The following SLC26A9 variants were observed in gnomAD, a reference collection of about 807,000 sequenced individuals.
SLC26A9 encodes the protein solute carrier family 26 member 9, also known as anion transporter/exchanger protein 9.
SLC26A9 carries 46 observed loss-of-function variants against 87.1 expected under a neutral mutation model. The observed-to-expected ratio is 0.53, with a 90% CI of 0.42 to 0.67. The LOEUF (loss-of-function observed/expected upper bound fraction) is 0.67. Ranked by LOEUF, SLC26A9 falls within the 30% of genes least tolerant of loss-of-function variation. The pLI is 0.00. For synonymous variants in SLC26A9, 437 were observed against 409.1 expected, an observed-to-expected ratio of 1.07 and a Z score of -0.82; for missense variants, 927 against 1,018.3, an observed-to-expected ratio of 0.91 and a Z score of 1.22.
In SLC26A9 at chr1:205,914,087, C is replaced by T. The variant is rs981302858; in HGVS notation, c.*1270G>A. The T allele has an allele frequency of 6.6e-6, 1 of 152,208 alleles. No individual in the cohort carries two copies. The highest frequency in any genetic ancestry group is 6.5e-5 in the Admixed American group (1 of 15,280). The allele number at this position is 152,208 out of a possible 1,614,324, so 9.4% of individuals were successfully genotyped here. ...GGGTTCCTCTCAATACCTCCTTGTA[C>T]ATATGGAAAACTTAACCCCTATTTT... On this transcript the variant is annotated 3_prime_UTR_variant, in exon 21 of 21. Transcript: ENST00000367135.
At position 205,928,833 on chromosome 1, in the gene SLC26A9, T is replaced by C; in HGVS notation, c.947A>G (p.Gln316Arg). ...CTGGGCCACCTGGACTCACCCGCGT[T>C]GGATTTCTCCCACGATCTGCATGTG... ...KYHMQIVGEI[Q>R]RGFPTPVSPV... Residue 316 changes from glutamine to arginine, a missense_variant, in exon 8 of 21, where the codon CAA becomes CGA. By Grantham distance (43) the Gln-to-Arg change is conservative. Transcript: ENST00000367135. 1 of 1,614,164 alleles carries C rather than the reference T, an allele frequency of 6.2e-7. No individual in the cohort carries two copies. The highest frequency in any genetic ancestry group is 8.5e-7 in the Non-Finnish European group (1 of 1,180,020).
Position 205,935,844 on chromosome 1 carries a change from G to A in SLC26A9, c.-18-6C>T, listed in dbSNP as rs199863728. On this transcript the variant is annotated splice_region_variant and splice_polypyrimidine_tract_variant and intron_variant, in intron 1 of 20. Coordinates refer to ENST00000367135, the MANE Select transcript of SLC26A9 (RefSeq NM_052934.4). ...ATATCTGGGGCATTTACAAGCTTTG[G>A]GAGAAGCAGAGGAGGGGAGGGTGAG... 2.5e-6 allele frequency: 4 copies of A among 1,609,072 alleles called. No individual in the cohort carries two copies. Among genetic ancestry groups the A allele is most frequent in the African/African-American group, 1.3e-5 (1 of 74,828 alleles).
intron 18 of SLC26A9, among the ~76,000 whole-genome samples, chr1:205,919,602 G>C (rs1658736911): frequency 6.6e-6 from 1 of 152,178 alleles, no homozygotes; most frequent in African/African-American, 2.4e-5. Context: ...CTGTGTGTCT[G>C]TGTGCACTTG....
chr1:205,928,958 G>C (rs200199738), intron 7 of SLC26A9, 49 bp from the exon 8 acceptor site: 1 of 1,594,438 alleles, frequency 6.3e-7, no homozygotes, highest in Non-Finnish European at 8.6e-7. Context: ...GGTGGGGCCA[G>C]GGCAGGCGTC....
chr1:205,921,401 C>T (rs1207456008), intron 17 of SLC26A9, among the ~76,000 whole-genome samples, 165 bp downstream of exon 17: 1 of 152,206 alleles, frequency 6.6e-6, no homozygotes, highest in Non-Finnish European at 1.5e-5. Flanking sequence ...GAGAATGTCT[C>T]AACCTGGTGG....
intron 18 of SLC26A9, 35 bp downstream of exon 18, chr1:205,920,141 A>G (rs766013741): frequency 6.2e-7 from 1 of 1,612,780 alleles, no homozygotes; most frequent in South Asian, 1.1e-5. Context: ...ACTCCTTGCC[A>G]GTCTTTCAGT....
chr1:205,943,440 G>C lies in SLC26A9; in HGVS notation c.-94C>G, dbSNP rs1463906199. 1 of 152,228 alleles carries C rather than the reference G, an allele frequency of 6.6e-6. No homozygotes were observed. The highest frequency in any genetic ancestry group is 1.5e-5 in the Non-Finnish European group (1 of 68,120). The allele number at this position is 152,228 out of a possible 1,614,324, so 9.4% of individuals were successfully genotyped here. On this transcript the variant is annotated 5_prime_UTR_variant, in exon 1 of 21. Coordinates refer to ENST00000367135, the MANE Select transcript of SLC26A9 (RefSeq NM_052934.4). ...CGGGCAGCCGAAAGGTGTTCCTGAG[G>C]TGTGTGAAAGGGCTCTGCTCAAATA...
intron 1 of SLC26A9, among the ~76,000 whole-genome samples, chr1:205,939,563 C>T (rs574962287): frequency 3.3e-5 from 5 of 151,896 alleles, no homozygotes; most frequent in African/African-American, 9.7e-5. Context: ...TGGGGTGGGA[C>T]GTAGAAGACA....
intron 12 of SLC26A9, among the ~76,000 whole-genome samples, chr1:205,925,454 GC>G (rs1659026241): frequency 1.3e-5 from 2 of 152,198 alleles, no homozygotes. Context: ...GGAAACAAAA[GC>G]CGCCATATGA....
At chr1:205,915,535 T>TGC in intron 20 of SLC26A9, 131 bp from the exon 21 acceptor site, 1 of 1,200,090 alleles carries the variant, frequency 8.3e-7, no homozygotes, top group Non-Finnish European at 1.2e-6. Context: ...TGTGTGTGTG[T>TGC]GTGTGTGTGT....
chr1:205,929,838 T>G, intron 6 of SLC26A9, 54 bp downstream of exon 6: 2 of 1,534,810 alleles, frequency 1.3e-6, no homozygotes, highest in Non-Finnish European at 1.8e-6. Context: ...TACATCCTCC[T>G]CATGTGTCTG....
intron 15 of SLC26A9, 30 bp from the exon 16 acceptor site, chr1:205,923,225 A>G: frequency 1.2e-6 from 2 of 1,612,256 alleles, no homozygotes; most frequent in Non-Finnish European, 1.7e-6. Context: ...AGCAATCTTG[A>G]CCTCCACCCT....
Position 205,935,678 on chromosome 1 carries a change from G to A in SLC26A9, c.125+18C>T. On this transcript the variant is annotated intron_variant, in intron 2 of 20. Coordinates refer to ENST00000367135, the MANE Select transcript of SLC26A9 (RefSeq NM_052934.4). ...TAGGGAGCAGAGGAGGCAGAAGTCTGGGCTCTGGACCAGTTACCTGAAGGC... is the reference window on the plus strand; with the variant it reads ...TAGGGAGCAGAGGAGGCAGAAGTCTAGGCTCTGGACCAGTTACCTGAAGGC... The A allele has an allele frequency of 6.2e-7, 1 of 1,613,802 alleles. No homozygotes were observed. Among genetic ancestry groups the A allele is most frequent in the African/African-American group, 1.3e-5 (1 of 75,046 alleles).
In SLC26A9 at chr1:205,926,778, T is replaced by A. The variant is rs900941789; in HGVS notation, c.1294-148A>T. ...ATCCCCCAAATCTCTGCATTCGACC[T>A]TAGGTTTGGAAAGTGCTGGCGTTAG... On this transcript the variant is annotated intron_variant, in intron 11 of 20. Coordinates refer to ENST00000367135, the MANE Select transcript of SLC26A9 (RefSeq NM_052934.4). 6 of 697,462 alleles carry A rather than the reference T, an allele frequency of 8.6e-6. No homozygotes were observed. The African/African-American group carries it at 1.1e-4, about 12-fold the overall frequency. 43.2% of individuals were successfully genotyped at this position (697,462 alleles called of 1,614,324 possible).
intron 7 of SLC26A9, 109 bp downstream of exon 7, chr1:205,929,095 C>T (rs956546276): frequency 4.6e-6 from 7 of 1,525,970 alleles, no homozygotes; most frequent in Non-Finnish European, 5.3e-6. Flanking sequence ...TCACAACTGA[C>T]TTCCTGTCCC....
Position 205,927,909 on chromosome 1 carries a change from G to A in SLC26A9, c.1094C>T (p.Ser365Leu), listed in dbSNP as rs867239254. Reference sequence around the variant, plus strand: ...GGGGGTGGCCAGAGCTACCTGGTTCGAATCCACGTCGTAGCCGTGCTTGTT... The same window carrying A: ...GGGGGTGGCCAGAGCTACCTGGTTCAAATCCACGTCGTAGCCGTGCTTGTT... ...LANKHGYDVDSNQEMIALGCS... is the reference protein window; with the variant it reads ...LANKHGYDVDLNQEMIALGCS... The change falls in exon 9 of 21, where the codon TCG becomes TTG. Residue 365 changes from serine (S) to leucine (L), a missense_variant. Ser to Leu is a moderately radical substitution (Grantham distance 145). Transcript: ENST00000367135. 7 of 1,613,902 alleles carry A rather than the reference G, an allele frequency of 4.3e-6. No individual in the cohort carries two copies. The highest frequency in any genetic ancestry group is 5.9e-6 in the Non-Finnish European group (7 of 1,179,938).
chr1:205,929,011 C>A, intron 7 of SLC26A9, 102 bp from the exon 8 acceptor site: 1 of 1,496,270 alleles, frequency 6.7e-7, no homozygotes, highest in Non-Finnish European at 9.3e-7. Context: ...GAATCCCACT[C>A]CCCTGCCTCC....
In SLC26A9 at chr1:205,935,796, C is replaced by A; in HGVS notation, c.25G>T (p.Val9Leu). Residue 9 changes from valine to leucine, a missense_variant, in exon 2 of 21, where the codon GTG becomes TTG. By Grantham distance (32) the Val-to-Leu change is conservative. Transcript: ENST00000367135. The stretch of plus-strand genomic sequence containing the variant: ...AGGGAGTATGCGGCTCTGTCTACCA[C>A]GTAGCGGGGCCTGGGCTGGCTCATA... The part of the protein sequence containing the change: MSQPRPRY[V>L]VDRAAYSLTL... 2.5e-6 allele frequency: 4 copies of A among 1,613,860 alleles called. No individual in the cohort carries two copies. The highest frequency in any genetic ancestry group is 3.4e-6 in the Non-Finnish European group (4 of 1,179,840).
chr1:205,935,442 T>A (rs971064406), intron 2 of SLC26A9, among the ~76,000 whole-genome samples: 1 of 152,024 alleles, frequency 6.6e-6, no homozygotes, highest in Admixed American at 6.5e-5. Context: ...ATTGAGAATA[T>A]GGGAGATGCC....
Sources: gnomAD v4.1 joint callset for allele counts (sites outside exome capture counted in the v4.1 genomes callset) on GRCh38, gnomAD v4.1.1 for gene constraint, MANE v1.5 for transcripts, NCBI Gene and HGNC (gene_info 2026-07-23, HGNC 2026-07-21) for gene names.